MYB: variants seen among roughly 807,000 people sequenced by gnomAD.
MYB encodes MYB proto-oncogene, transcription factor.
Under a neutral mutation model 92.9 loss-of-function variants are expected in MYB, and 28 were observed. The observed-to-expected ratio is 0.30, with a 90% confidence interval of 0.22 to 0.41. The LOEUF is 0.41. MYB is among the 10% of genes least tolerant of loss of function. MYB has a pLI of 1.00. For synonymous variants in MYB, 295 were observed against 329.1 expected, an observed-to-expected ratio of 0.90 and a Z score of 1.12; for missense variants, 679 against 929.3, an observed-to-expected ratio of 0.73 and a Z score of 3.50.
chr6:135,205,156 G>C (rs1470081888), intron 15 of MYB, among the ~76,000 whole-genome samples: 1 of 151,672 alleles, frequency 6.6e-6, no homozygotes, highest in African/African-American at 2.4e-5. Flanking sequence ...GAGTTACAAA[G>C]ATTTCAAGGC....
intron 15 of MYB, among the ~76,000 whole-genome samples, chr6:135,215,606 G>C (rs952298886): frequency 2.6e-5 from 4 of 152,188 alleles, no homozygotes; most frequent in African/African-American, 9.7e-5. Context: ...GGTGCCTATA[G>C]TGAGGGCTTG....
intron 8 of MYB, chr6:135,195,041 A>G (rs1339598516): frequency 2.3e-6 from 3 of 1,328,002 alleles, no homozygotes; most frequent in African/African-American, 1.5e-5. Context: ...TGCAACATAC[A>G]TAGTTAACCA....
rs1776121368 is a variant in MYB at position 135,187,808 on chromosome 6, C to T, written c.142-26C>T. On this transcript the variant is annotated intron_variant, in intron 2 of 15. Transcript: ENST00000341911. Reference sequence around the variant, plus strand: ...GAGTTATATAGTAAATAACTGATATCCTAGGATTACCTTTAAATGTCTTAG... The same window carrying T: ...GAGTTATATAGTAAATAACTGATATTCTAGGATTACCTTTAAATGTCTTAG... 3.3e-6 allele frequency: 5 copies of T among 1,529,502 alleles called. No individual in the cohort carries two copies. The African/African-American group carries it at 4.1e-5, about 13-fold the overall frequency. 94.7% of individuals were successfully genotyped at this position (1,529,502 alleles called of 1,614,324 possible). A position where few individuals can be genotyped will look rare whatever the true frequency, so the allele number is the denominator to read the frequency against.
chr6:135,193,229 AAG>A (rs1333190853), intron 6 of MYB, among the ~76,000 whole-genome samples: 1 of 152,206 alleles, frequency 6.6e-6, no homozygotes, highest in East Asian at 1.9e-4. Flanking sequence ...AAGAAGAAGA[AAG>A]AGGAAAAAAA....
intron 3 of MYB, among the ~76,000 whole-genome samples, chr6:135,189,159 C>G (rs1776331224): frequency 1.3e-5 from 2 of 152,182 alleles, no homozygotes; most frequent in African/African-American, 4.8e-5. Flanking sequence ...AGACTCCTCC[C>G]AAGGAAACCA....
intron 15 of MYB, among the ~76,000 whole-genome samples, chr6:135,216,357 G>A (rs1780435521): frequency 6.6e-6 from 1 of 152,174 alleles, no homozygotes; most frequent in Admixed American, 6.5e-5. Flanking sequence ...TGGGGTACAA[G>A]TGTAATTTTG....
chr6:135,217,719 C>T lies in MYB; in HGVS notation c.2170-145C>T, dbSNP rs1037561220. 1.1e-5 allele frequency: 8 copies of T among 712,722 alleles called. No homozygotes were observed. In the African/African-American group the frequency reaches 1.5e-4, roughly 13 times the overall value. 44.1% of individuals were successfully genotyped at this position (712,722 alleles called of 1,614,324 possible). A position where few individuals can be genotyped will look rare whatever the true frequency, so the allele number is the denominator to read the frequency against. On this transcript the variant is annotated intron_variant, in intron 15 of 15. Coordinates refer to ENST00000341911, the MANE Select transcript of MYB (RefSeq NM_001130173.2). ...CATATCCCTTAAGAACACCGGATTT[C>T]TGGGGGCCAGGGAGGTAAGATTCTA...
At chr6:135,194,793 T>C (rs1378038975) in intron 8 of MYB, 2 of 703,424 alleles carry the variant, frequency 2.8e-6, no homozygotes, top group African/African-American at 3.6e-5. Flanking sequence ...TATGTATCTA[T>C]ATGGTACCAT....
chr6:135,184,863 A>G (rs1001059748), intron 1 of MYB, among the ~76,000 whole-genome samples: 9 of 152,252 alleles, frequency 5.9e-5, no homozygotes, highest in African/African-American at 9.6e-5. Flanking sequence ...TTTTATAAGA[A>G]AAACTATAAA....
Position 135,200,108 on chromosome 6 carries a change from G to T in MYB, c.1733G>T (p.Arg578Met). 1 of 1,614,036 alleles carries T rather than the reference G, an allele frequency of 6.2e-7. No homozygotes were observed. The highest frequency in any genetic ancestry group is 1.3e-5 in the African/African-American group (1 of 75,046). ...AGTTTTAGAACCCCAGCTATCAAAA[G>T]GTCAATCTTAGAAAGCTCTCCAAGA... ...NTVFRTPAIK[R>M]SILESSPRTP... Residue 578 changes from arginine to methionine, a missense_variant, in exon 12 of 16, where the codon AGG becomes ATG. Coordinates refer to ENST00000341911, the MANE Select transcript of MYB (RefSeq NM_001130173.2).
intron 15 of MYB, among the ~76,000 whole-genome samples, chr6:135,212,702 C>T (rs1779918213): frequency 6.6e-6 from 1 of 152,142 alleles, no homozygotes. Context: ...TCTGCAAGAG[C>T]ACCATGGGTT....
chr6:135,181,919 C>T lies in MYB; in HGVS notation c.23+383C>T, dbSNP rs1775113443. 6.6e-6 allele frequency among the ~76,000 whole-genome samples: 1 copy of T among 152,190 alleles called. No individual in the cohort carries two copies. The highest frequency in any genetic ancestry group is 6.5e-5 in the Admixed American group (1 of 15,286). ...CGGCGAGGGATCCGCAGCGTAATTGCTGGATGCATTGAGATATGTTTGGAC... is the reference window on the plus strand; with the variant it reads ...CGGCGAGGGATCCGCAGCGTAATTGTTGGATGCATTGAGATATGTTTGGAC... On this transcript the variant is annotated intron_variant, in intron 1 of 15. Transcript: ENST00000341911. The surrounding 1 kb of genome is among the most constrained non-coding windows in gnomAD (Gnocchi z 5.3).
rs777623946 is a variant in MYB at position 135,193,909 on chromosome 6, A to G, written c.834A>G (p.Ala278=). The change falls in exon 7 of 16, where the codon GCA becomes GCG. Residue 278 remains alanine (A), a synonymous_variant. Coordinates refer to ENST00000341911, the MANE Select transcript of MYB (RefSeq NM_001130173.2). The stretch of plus-strand genomic sequence containing the variant: ...TCAATGTCCCTCAGCCAGCTGCCGC[A>G]GCCATTCAGGTAAGATCATTGATCA... ...NIVNVPQPAA[A]AIQRHYNDED... 8.7e-6 allele frequency: 14 copies of G among 1,606,470 alleles called. No homozygotes were observed. Among genetic ancestry groups the G allele is most frequent in the African/African-American group, 1.3e-5 (1 of 74,762 alleles).
chr6:135,185,922 G>A lies in MYB; in HGVS notation c.43G>A (p.Asp15Asn). The change falls in exon 2 of 16, where the codon GAT becomes AAT. Residue 15 changes from aspartate to asparagine, a missense_variant. Coordinates refer to ENST00000341911, the MANE Select transcript of MYB (RefSeq NM_001130173.2). ...PRHSIYSSDEDDEDFEMCDHD... is the reference protein window; with the variant it reads ...PRHSIYSSDENDEDFEMCDHD... ...CTGCAGCATATATAGCAGTGACGAG[G>A]ATGATGAGGACTTTGAGATGTGTGA... 1 of 1,614,034 alleles carries A rather than the reference G, an allele frequency of 6.2e-7. No individual in the cohort carries two copies. Among genetic ancestry groups the A allele is most frequent in the Non-Finnish European group, 8.5e-7 (1 of 1,179,932 alleles).
At position 135,194,697 on chromosome 6, in the gene MYB, C is replaced by G; in HGVS notation, c.948+237C>G. 1.6e-5 allele frequency: 9 copies of G among 562,656 alleles called. No homozygotes were observed. In the South Asian group the frequency reaches 2.5e-4, roughly 15 times the overall value. 34.9% of individuals were successfully genotyped at this position (562,656 alleles called of 1,614,324 possible). ...TGCAATATCCACTTATGATTGTTATCATCAATTTTTTTCTTCAGAAGGACT... is the reference window on the plus strand; with the variant it reads ...TGCAATATCCACTTATGATTGTTATGATCAATTTTTTTCTTCAGAAGGACT... On this transcript the variant is annotated intron_variant, in intron 8 of 15. Transcript: ENST00000341911.
Position 135,192,577 on chromosome 6 carries a change from T to G in MYB, c.762+19T>G. ...ACAAAATGTAAGCCATTCCTGTGAA[T>G]CTAGTTTAATGAGAGAGACGGTTAG... On this transcript the variant is annotated intron_variant, in intron 6 of 15. Coordinates refer to ENST00000341911, the MANE Select transcript of MYB (RefSeq NM_001130173.2). 1 of 1,603,836 alleles carries G rather than the reference T, an allele frequency of 6.2e-7. No individual in the cohort carries two copies. The highest frequency in any genetic ancestry group is 8.5e-7 in the Non-Finnish European group (1 of 1,170,474).
At chr6:135,208,251 G>T (rs937312593) in intron 15 of MYB, among the ~76,000 whole-genome samples, 2 of 150,222 alleles carry the variant, frequency 1.3e-5, no homozygotes, top group Admixed American at 1.3e-4. Context: ...CTAATTTTTG[G>T]TATTTTTAGT....
In MYB at chr6:135,197,145, C is replaced by T. The variant is rs1339343984; in HGVS notation, c.1388C>T (p.Pro463Leu). ...ATGTTGAGTGAGAGTTCACTTGACC[C>T]ACCCAAGGTCTTACCTCCTGCAAGG... ...KRMLSESSLDPPKVLPPARHS... is the reference protein window; with the variant it reads ...KRMLSESSLDLPKVLPPARHS... Residue 463 changes from proline to leucine, a missense_variant, in exon 10 of 16, where the codon CCA becomes CTA. By Grantham distance (98) the Pro-to-Leu change is moderately conservative. This residue lies in a region of MYB where 402 missense variants were observed against 434.2 expected (regional missense o/e 0.93). Transcript: ENST00000341911. 1 of 1,614,016 alleles carries T rather than the reference C, an allele frequency of 6.2e-7. No individual in the cohort carries two copies. Among genetic ancestry groups the T allele is most frequent in the Non-Finnish European group, 8.5e-7 (1 of 1,179,898 alleles).
chr6:135,218,133 T>C lies in MYB; in HGVS notation c.*153T>C. The C allele has an allele frequency of 1.7e-6, 1 of 587,838 alleles. No individual in the cohort carries two copies. Among genetic ancestry groups the C allele is most frequent in the Admixed American group, 3.4e-5 (1 of 29,582 alleles). The allele number at this position is 587,838 out of a possible 1,614,324, so 36.4% of individuals were successfully genotyped here. A position where few individuals can be genotyped will look rare whatever the true frequency, so the allele number is the denominator to read the frequency against. On this transcript the variant is annotated 3_prime_UTR_variant, in exon 16 of 16. Coordinates refer to ENST00000341911, the MANE Select transcript of MYB (RefSeq NM_001130173.2). ...GCAGCACCAAGTGCATTTAGTTGAA[T>C]GAAGTCTTCTTGGATTTCACCCAAC...
Sources: gnomAD v4.1 joint callset for allele counts (sites outside exome capture counted in the v4.1 genomes callset) on GRCh38, gnomAD v4.1.1 for gene constraint, gnomAD v4.1.1 regional missense constraint, Gnocchi (gnomAD v3.1) non-coding constraint, MANE v1.5 for transcripts, NCBI Gene and HGNC (gene_info 2026-07-23, HGNC 2026-07-21) for gene names.